Variants in FAM186A observed in about 807,000 individuals in gnomAD.
The protein encoded by FAM186A is family with sequence similarity 186 member A.
Under a neutral mutation model 216.8 loss-of-function variants are expected in FAM186A, and 163 were observed. The ratio of observed to expected loss-of-function variants is 0.75; its 90% CI spans 0.66 to 0.86. FAM186A has a LOEUF of 0.86. FAM186A is among the 40% of genes least tolerant of loss of function. The pLI, the probability that FAM186A is intolerant of heterozygous loss-of-function variation, is 0.00. For synonymous variants in FAM186A, 805 were observed against 1,025.3 expected (o/e 0.79, Z 4.10); for missense variants, 2,184 against 2,746.2 (o/e 0.80, Z 4.58).
rs1565886765 is a variant in FAM186A at position 50,354,677 on chromosome 12, C to T, written c.2155G>A (p.Glu719Lys). Residue 719 changes from glutamate to lysine, a missense_variant, in exon 4 of 8, where the codon GAG becomes AAG. By Grantham distance (56) the Glu-to-Lys change is moderately conservative (BLOSUM62 1). Around this residue, in one of 7 missense-constraint regions of FAM186A, gnomAD observed 1,132 missense variants for 1,263.4 expected, o/e 0.90. Transcript: ENST00000327337. ...EKLGIIKAKM[E>K]EYFQKVAETV... ...TCAGCCACTTTTTGGAAATATTCCT[C>T]CATTTTTGCCTTTATGATTCCTAAT... The T allele has an allele frequency of 3.9e-6, 6 of 1,548,608 alleles. No homozygotes were observed. The African/African-American group carries it at 4.1e-5, about 11-fold the overall frequency.
At chr12:50,368,975 A>AC (rs1943115946) in intron 1 of FAM186A, among the ~76,000 whole-genome samples, 1 of 149,166 alleles carries the variant, frequency 6.7e-6, no homozygotes, top group East Asian at 2.2e-4. Context: ...TAAAAAAAAA[A>AC]AAAACACACA....
At position 50,353,098 on chromosome 12, in the gene FAM186A, G is replaced by A. The variant is rs1035039862; in HGVS notation, c.3734C>T (p.Pro1245Leu). Residue 1245 changes from proline (P) to leucine (L), a missense_variant, in exon 4 of 8, where the codon CCT (proline) becomes CTT (leucine). This residue lies in a region of FAM186A where 267 missense variants were observed against 446.2 expected (regional missense o/e 0.60). Coordinates refer to ENST00000327337, the MANE Select transcript of FAM186A (RefSeq NM_001145475.3). The part of the protein sequence containing the change: ...QAQQLGIPLT[P>L]QQAQALGITL... ...GATTCCGAGAGCCTGCGCCTGCTGA[G>A]GGGTGAGAGGGATCCCCAATTGCTG... 17 of 1,527,914 alleles carry A rather than the reference G, an allele frequency of 1.1e-5. No homozygotes were observed. Among genetic ancestry groups the A allele is most frequent in the Middle Eastern group, 3.4e-4 (2 of 5,914 alleles). 94.6% of individuals were successfully genotyped at this position (1,527,914 alleles called of 1,614,324 possible).
At chr12:50,380,521 C>CAAAAAAAAAAA (rs60955395) in intron 1 of FAM186A, among the ~76,000 whole-genome samples, 2 of 76,440 alleles carry the variant, frequency 2.6e-5, no homozygotes, top group Non-Finnish European at 5.2e-5. Flanking sequence ...ACTAAAAATA[C>CAAAAAAAAAAA]AAAAAAAAAA....
At chr12:50,371,036 T>C (rs1943138264) in intron 1 of FAM186A, among the ~76,000 whole-genome samples, 1 of 151,416 alleles carries the variant, frequency 6.6e-6, no homozygotes, top group African/African-American at 2.4e-5. Flanking sequence ...GAGATGGAGG[T>C]TACAGTGAGC....
At position 50,352,645 on chromosome 12, in the gene FAM186A, C is replaced by T. The variant is rs1942909919; in HGVS notation, c.4187G>A (p.Gly1396Glu). ...AGCCTGCTGAGTGGTGAGAGGCATC[C>T]CCAAGGCCTGAGCCTGCTGAGGGGT... is the stretch of plus-strand genomic sequence containing the variant. ...PLTPQQAQALGMPLTTQQAQE... is the reference protein window; with the variant it reads ...PLTPQQAQALEMPLTTQQAQE... The change falls in exon 4 of 8, where the codon GGG (glycine) becomes GAG (glutamate). Residue 1396 changes from glycine (G) to glutamate (E), a missense_variant. Around this residue, in one of 7 missense-constraint regions of FAM186A, gnomAD observed 267 missense variants for 446.2 expected, o/e 0.60. Coordinates refer to ENST00000327337, the MANE Select transcript of FAM186A (RefSeq NM_001145475.3). The T allele has an allele frequency of 6.6e-7, 1 of 1,526,342 alleles. No individual in the cohort carries two copies. Among genetic ancestry groups the T allele is most frequent in the East Asian group, 2.5e-5 (1 of 39,360 alleles). The allele number at this position is 1,526,342 out of a possible 1,614,324, so 94.5% of individuals were successfully genotyped here.
At chr12:50,346,167 CA>C (rs1383499606) in intron 4 of FAM186A, among the ~76,000 whole-genome samples, 76 of 61,874 alleles carry the variant, frequency 1.2e-3, no homozygotes, top group Admixed American at 1.2e-3. Context: ...CAGACCCCGC[CA>C]AAAAAAAAAA....
intron 4 of FAM186A, among the ~76,000 whole-genome samples, chr12:50,340,759 A>G (rs2138764091): frequency 6.6e-6 from 1 of 151,446 alleles, no homozygotes; most frequent in South Asian, 2.1e-4. Context: ...TTTCTTCAAT[A>G]TATATGGAAA....
chr12:50,332,653 C>T (rs1291997436), intron 5 of FAM186A, among the ~76,000 whole-genome samples: 8 of 152,126 alleles, frequency 5.3e-5, no homozygotes, highest in African/African-American at 1.9e-4. Flanking sequence ...TCTTGCTTTA[C>T]TCTATGTACA....
intron 1 of FAM186A, among the ~76,000 whole-genome samples, chr12:50,363,812 T>A (rs1303021161): frequency 6.6e-6 from 1 of 151,582 alleles, no homozygotes; most frequent in Non-Finnish European, 1.5e-5. Flanking sequence ...AAAATGCAAG[T>A]TGCTTCTTTT....
In FAM186A at chr12:50,351,277, A is replaced by T; in HGVS notation, c.5555T>A (p.Leu1852His). The change falls in exon 4 of 8, where the codon CTC becomes CAC. Residue 1852 changes from leucine (L) to histidine (H), a missense_variant. This residue lies in a region of FAM186A where 721 missense variants were observed against 816.4 expected (regional missense o/e 0.88). Coordinates refer to ENST00000327337, the MANE Select transcript of FAM186A (RefSeq NM_001145475.3). ...VPPTSGQIPS[L>H]WAPLSPGQPL... ...CTGCCCAGGAGAAAGAGGAGCCCAG[A>T]GACTTGGAATCTGTCCAGAAGTGGG... 1 of 1,549,508 alleles carries T rather than the reference A, an allele frequency of 6.5e-7. No homozygotes were observed.
chr12:50,383,821 G>GA (rs1008162454), intron 1 of FAM186A, among the ~76,000 whole-genome samples: 2 of 151,734 alleles, frequency 1.3e-5, no homozygotes, highest in Non-Finnish European at 2.9e-5. Flanking sequence ...AGCCTAATGT[G>GA]AAAAAAGAAA....
chr12:50,363,330 T>C lies in FAM186A; in HGVS notation c.227A>G (p.Asn76Ser). The C allele has an allele frequency of 1.9e-6, 3 of 1,551,126 alleles. No individual in the cohort carries two copies. The highest frequency in any genetic ancestry group is 1.7e-6 in the Non-Finnish European group (2 of 1,146,890). ...IDMQLSEIMN[N>S]VHRIMTRYTL... The stretch of plus-strand genomic sequence containing the variant: ...ATAGCGAGTCATTATCCGATGCACA[T>C]TGTTCATTATTTCACTCAGCTGCAT... Residue 76 changes from asparagine (N) to serine (S), a missense_variant, in exon 2 of 8, where the codon AAT (asparagine) becomes AGT (serine). Transcript: ENST00000327337.
At chr12:50,388,515 A>G (rs1220394740) in intron 1 of FAM186A, among the ~76,000 whole-genome samples, 3 of 151,664 alleles carry the variant, frequency 2.0e-5, no homozygotes, top group African/African-American at 7.3e-5. Flanking sequence ...GCTACTTAGG[A>G]GGCTGAGGCA....
At chr12:50,336,139 G>A (rs1291292669) in intron 4 of FAM186A, among the ~76,000 whole-genome samples, 1 of 121,216 alleles carries the variant, frequency 8.2e-6, no homozygotes, top group South Asian at 2.7e-4. Flanking sequence ...AAAAAAAAAA[G>A]AGTAATAAAG....
Position 50,351,370 on chromosome 12 carries a change from G to A in FAM186A, c.5462C>T (p.Ser1821Phe). ...AQFPAPQAPP[S>F]PGQLPISRAP... ...CCGAGATATTGGGAGCTGCCCAGGG[G>A]AGGGAGGGGCCTGTGGTGCCGGGAA... Residue 1821 changes from serine to phenylalanine, a missense_variant, in exon 4 of 8, where the codon TCC becomes TTC. Physicochemically the swap from Ser to Phe is radical, Grantham distance 155. Coordinates refer to ENST00000327337, the MANE Select transcript of FAM186A (RefSeq NM_001145475.3). 1.4e-6 allele frequency: 2 copies of A among 1,477,528 alleles called. No homozygotes were observed. The highest frequency in any genetic ancestry group is 1.4e-5 in the South Asian group (1 of 69,470). 91.5% of individuals were successfully genotyped at this position (1,477,528 alleles called of 1,614,324 possible). A position where few individuals can be genotyped will look rare whatever the true frequency, so the allele number is the denominator to read the frequency against.
intron 3 of FAM186A, among the ~76,000 whole-genome samples, chr12:50,358,839 C>T (rs531155908): frequency 1.3e-5 from 2 of 150,080 alleles, no homozygotes; most frequent in South Asian, 4.2e-4. Flanking sequence ...AGGAGAATCG[C>T]TTGAACCCAG....
chr12:50,365,919 G>T, intron 1 of FAM186A: 2 of 763,198 alleles, frequency 2.6e-6, no homozygotes. Flanking sequence ...GTGGAAAAAG[G>T]CTAATGGCAC....
At chr12:50,329,012 G>C (rs1313760480) in intron 7 of FAM186A, among the ~76,000 whole-genome samples, 2 of 151,992 alleles carry the variant, frequency 1.3e-5, no homozygotes, top group Non-Finnish European at 2.9e-5. Flanking sequence ...CCAGCTACTT[G>C]GGGAGGCTGA....
chr12:50,331,786 AG>A lies in FAM186A; in HGVS notation c.6731del (p.Pro2244LeufsTer4). On this transcript the variant is annotated frameshift_variant, in exon 6 of 8. Transcript: ENST00000327337. LOFTEE classifies it high-confidence loss of function. ...KKIHELNLSQ[P>X]IPLIIEEKQI... The stretch of plus-strand genomic sequence containing the variant: ...GCTTTTCTTCGATGATTAAGGGGAT[AG>A]GTTGACTAAGATTCAATTCATGTAT... The A allele has an allele frequency of 6.5e-7, 1 of 1,541,708 alleles. No individual in the cohort carries two copies. The highest frequency in any genetic ancestry group is 1.4e-5 in the African/African-American group (1 of 72,412).
Sources: gnomAD v4.1 joint callset for allele counts (sites outside exome capture counted in the v4.1 genomes callset) on GRCh38, gnomAD v4.1.1 for gene constraint, gnomAD v4.1.1 regional missense constraint, MANE v1.5 for transcripts, NCBI Gene and HGNC (gene_info 2026-07-23, HGNC 2026-07-21) for gene names.